The following TEKT4 variants were observed in gnomAD, a reference collection of about 807,000 sequenced individuals.
TEKT4 encodes tektin-4.
TEKT4 carries 46 observed loss-of-function variants against 46.0 expected under a neutral mutation model. That is an observed-to-expected ratio of 1.00 (90% CI 0.79 to 1.28). The LOEUF (loss-of-function observed/expected upper bound fraction) is 1.28, where lower values mean the gene tolerates loss of function less well. Ranked by LOEUF, TEKT4 falls within the 50% of genes most tolerant of loss-of-function variation. The pLI, the probability that TEKT4 is intolerant of heterozygous loss-of-function variation, is 0.00. For missense variants in TEKT4, 790 were observed against 622.9 expected, an observed-to-expected ratio of 1.27 and a Z score of -2.85; for synonymous variants, 325 against 265.8, an observed-to-expected ratio of 1.22 and a Z score of -2.17.
chr2:94,875,848 T>A, intron 5 of TEKT4, 106 bp downstream of exon 5: 1 of 1,210,428 alleles, frequency 8.3e-7, no homozygotes, highest in Non-Finnish European at 1.2e-6. Context: ...CCCCCGCAGG[T>A]GCTGAGAGGG....
intron 3 of TEKT4, among the ~76,000 whole-genome samples, chr2:94,874,530 G>A (rs1418203290): frequency 1.3e-5 from 2 of 151,642 alleles, no homozygotes; most frequent in African/African-American, 4.8e-5. Flanking sequence ...CGGGGTCGCG[G>A]GGGCACGAGG....
chr2:94,874,943 G>A lies in TEKT4; in HGVS notation c.881G>A (p.Arg294His), dbSNP rs142759027. 1,301 of 1,611,798 alleles carry A rather than the reference G, an allele frequency of 8.1e-4. No individual in the cohort carries two copies. The highest frequency in any genetic ancestry group is 9.2e-4 in the South Asian group (83 of 90,710). ...QCDAVNLAFG[R>H]RCEELEDARY... Reference sequence around the variant, plus strand: ...GACGCCGTGAACCTGGCCTTCGGGCGCCGCTGTGAGGAGCTGGAGGACGCG... The same window carrying A: ...GACGCCGTGAACCTGGCCTTCGGGCACCGCTGTGAGGAGCTGGAGGACGCG... Residue 294 changes from arginine to histidine, a missense_variant, in exon 4 of 6, where the codon CGC becomes CAC. Coordinates refer to ENST00000295201, the MANE Select transcript of TEKT4 (RefSeq NM_144705.4).
Position 94,875,772 on chromosome 2 carries a change from G to C in TEKT4, c.1091+30G>C, listed in dbSNP as rs1425664294. The C allele has an allele frequency of 4.4e-6, 7 of 1,606,460 alleles. No homozygotes were observed. In the South Asian group the frequency reaches 6.7e-5, roughly 15 times the overall value. On this transcript the variant is annotated intron_variant, in intron 5 of 5. Coordinates refer to ENST00000295201, the MANE Select transcript of TEKT4 (RefSeq NM_144705.4). Reference sequence around the variant, plus strand: ...TGCCTGGGCCTCTGAGGCAGTCCCAGGTGGCCCTGTCCACCTCCTCCCTGT... The same window carrying C: ...TGCCTGGGCCTCTGAGGCAGTCCCACGTGGCCCTGTCCACCTCCTCCCTGT...
chr2:94,875,526 C>T, intron 4 of TEKT4, 62 bp from the exon 5 acceptor site: 1 of 1,601,630 alleles, frequency 6.2e-7, no homozygotes, highest in Non-Finnish European at 8.5e-7. Flanking sequence ...CCAGCCTGGT[C>T]TCGGCGTTCT....
intron 3 of TEKT4, 38 bp from the exon 4 acceptor site, chr2:94,874,738 C>A: frequency 2.0e-6 from 3 of 1,498,886 alleles, no homozygotes; most frequent in Non-Finnish European, 2.7e-6. Context: ...TTCGGCAGAG[C>A]CTCCCCGACC....
At position 94,871,584 on chromosome 2, in the gene TEKT4, C is replaced by T. The variant is rs200887468; in HGVS notation, c.5C>T (p.Ala2Val). ...CCCTGGTGGGCGGCAGGCACCATGG[C>T]GCAGACAGTGCCGCCCTGCGAGCTG... Reference protein sequence around the residue: MAQTVPPCELPC... With the variant: MVQTVPPCELPC... The change falls in exon 1 of 6, where the codon GCG (alanine) becomes GTG (valine). Residue 2 changes from alanine (A) to valine (V), a missense_variant. Coordinates refer to ENST00000295201, the MANE Select transcript of TEKT4 (RefSeq NM_144705.4). 2.5e-4 allele frequency: 408 copies of T among 1,601,284 alleles called. No homozygotes were observed. The East Asian group carries it at 2.7e-3, about 10-fold the overall frequency.
Position 94,872,131 on chromosome 2 carries a change from C to CA in TEKT4, c.498+54_498+55insA, listed in dbSNP as rs1558604300. 2.0e-5 allele frequency: 30 copies of CA among 1,476,120 alleles called. 1 individual carries two copies. Among genetic ancestry groups the CA allele is most frequent in the East Asian group, 5.0e-5 (2 of 40,364 alleles). The allele number at this position is 1,476,120 out of a possible 1,614,324, so 91.4% of individuals were successfully genotyped here. On this transcript the variant is annotated intron_variant, in intron 1 of 5. Coordinates refer to ENST00000295201, the MANE Select transcript of TEKT4 (RefSeq NM_144705.4). ...TGTGGGCGCAGAGAGGAGGAGCCCC[C>CA]CCCCCCGCAGTTCATGTGGACAAGC...
chr2:94,872,057 G>A lies in TEKT4; in HGVS notation c.478G>A (p.Val160Met), dbSNP rs1553394793. The A allele has an allele frequency of 6.5e-7, 1 of 1,548,574 alleles. No homozygotes were observed. Among genetic ancestry groups the A allele is most frequent in the Non-Finnish European group, 8.7e-7 (1 of 1,146,798 alleles). Residue 160 changes from valine (V) to methionine (M), a missense_variant, in exon 1 of 6, where the codon GTG (valine) becomes ATG (methionine). Val to Met is a conservative substitution (Grantham distance 21). Transcript: ENST00000295201. ...REHPNLVRDHVETELLKEAEL... is the reference protein window; with the variant it reads ...REHPNLVRDHMETELLKEAEL... ...GCACCCCAACCTCGTGCGCGACCATGTGGAAACGGAGCTGCTGAAGGTGCC... is the reference window on the plus strand; with the variant it reads ...GCACCCCAACCTCGTGCGCGACCATATGGAAACGGAGCTGCTGAAGGTGCC...
intron 1 of TEKT4, 161 bp from the exon 2 acceptor site, chr2:94,873,359 A>G (rs377158990): frequency 2.0e-6 from 3 of 1,470,644 alleles, no homozygotes; most frequent in East Asian, 2.5e-5. Flanking sequence ...CAAAAGCCCA[A>G]GATAAACCCA....
chr2:94,873,700 C>T, intron 2 of TEKT4, 110 bp downstream of exon 2: 1 of 1,467,432 alleles, frequency 6.8e-7, no homozygotes, highest in South Asian at 1.3e-5. Context: ...GGGGCTGCCC[C>T]AGGTCACAGT....
rs1200905168 is a variant in TEKT4, at chr2:94,871,913, C to T, written c.334C>T (p.Leu112=). The part of the protein sequence containing the change: ...KSELQREMEA[L]AAETNLLLAQ... ...GGAGCTGCAGCGTGAGATGGAGGCG[C>T]TGGCTGCGGAGACCAACTTGCTCCT... Residue 112 remains leucine, a synonymous_variant, in exon 1 of 6, where the codon CTG becomes TTG. Coordinates refer to ENST00000295201, the MANE Select transcript of TEKT4 (RefSeq NM_144705.4). 1 of 1,598,030 alleles carries T rather than the reference C, an allele frequency of 6.3e-7. No homozygotes were observed.
intron 4 of TEKT4, 43 bp from the exon 5 acceptor site, chr2:94,875,545 G>T (rs188481653): frequency 2.5e-6 from 4 of 1,612,084 alleles, no homozygotes; most frequent in Non-Finnish European, 3.4e-6. Flanking sequence ...CTATATACCC[G>T]GGCATGGGGG....
intron 4 of TEKT4, 23 bp from the exon 5 acceptor site, chr2:94,875,565 A>G (rs782187524): frequency 6.2e-7 from 1 of 1,613,842 alleles, no homozygotes; most frequent in South Asian, 1.1e-5. Flanking sequence ...GCACAGGCCC[A>G]AGGAGAACTG....
intron 3 of TEKT4, among the ~76,000 whole-genome samples, chr2:94,874,373 C>A (rs1680727620): frequency 6.6e-6 from 1 of 152,112 alleles, no homozygotes; most frequent in African/African-American, 2.4e-5. Flanking sequence ...CCGCCCAAGG[C>A]CAGCAGAGGG....
chr2:94,875,511 T>A, intron 4 of TEKT4, 77 bp from the exon 5 acceptor site: 2 of 1,588,202 alleles, frequency 1.3e-6, no homozygotes, highest in Non-Finnish European at 1.7e-6. Context: ...AAGACCTGGG[T>A]AGGACCAGCC....
intron 1 of TEKT4, 114 bp downstream of exon 1, chr2:94,872,191 C>T (rs1312559246): frequency 1.5e-6 from 2 of 1,364,416 alleles, no homozygotes; most frequent in Non-Finnish European, 9.7e-7. Context: ...GAGCCCAGCC[C>T]TCTGCACGTG....
chr2:94,875,440 G>T, intron 4 of TEKT4, 148 bp from the exon 5 acceptor site: 2 of 1,229,020 alleles, frequency 1.6e-6, no homozygotes, highest in Non-Finnish European at 2.3e-6. Flanking sequence ...CGTGCACATT[G>T]TTCCCCTCAT....
At chr2:94,873,370 G>T (rs1351512526) in intron 1 of TEKT4, 150 bp from the exon 2 acceptor site, 1 of 1,490,298 alleles carries the variant, frequency 6.7e-7, no homozygotes, top group African/African-American at 1.4e-5. Context: ...GATAAACCCA[G>T]TGAGAGAGCA....
chr2:94,876,631 G>T lies in TEKT4; in HGVS notation c.1170G>T (p.Leu390=), dbSNP rs201397911. The change falls in exon 6 of 6, where the codon CTG becomes CTT. Residue 390 remains leucine, a synonymous_variant. Coordinates refer to ENST00000295201, the MANE Select transcript of TEKT4 (RefSeq NM_144705.4). ...REKLLEAEQS[L]RNLEDIHMSL... ...AGCTTCTAGAAGCGGAGCAGTCCCTGCGCAACCTCGAGGACATCCACATGA... is the reference window on the plus strand; with the variant it reads ...AGCTTCTAGAAGCGGAGCAGTCCCTTCGCAACCTCGAGGACATCCACATGA... 1.2e-6 allele frequency: 2 copies of T among 1,613,198 alleles called. No homozygotes were observed. Among genetic ancestry groups the T allele is most frequent in the Non-Finnish European group, 8.5e-7 (1 of 1,179,946 alleles).
Sources: allele counts gnomAD v4.1 joint callset (sites outside exome capture counted in the v4.1 genomes callset), GRCh38; gene constraint gnomAD v4.1.1; transcripts MANE v1.5; gene names NCBI Gene and HGNC (gene_info 2026-07-23, HGNC 2026-07-21).